Variants in CZIB observed in about 807,000 individuals in gnomAD.
CZIB encodes CXXC motif containing zinc binding protein.
In CZIB, 26 loss-of-function variants were observed where a neutral mutation model predicts 28.3. The observed-to-expected ratio is 0.92, with a 90% CI of 0.67 to 1.27. The LOEUF is 1.27. Among genes scored for constraint, CZIB ranks in the 50% most tolerant of loss-of-function variants. CZIB has a pLI of 0.00. For synonymous variants in CZIB, 78 were observed against 71.1 expected (o/e 1.10, Z -0.49); for missense variants, 179 against 197.3 (o/e 0.91, Z 0.56).
chr1:53,220,240 C>T lies in CZIB; in HGVS notation c.90+21G>A, dbSNP rs763150428. 3.1e-6 allele frequency: 5 copies of T among 1,608,596 alleles called. No individual in the cohort carries two copies. The African/African-American group carries it at 6.7e-5, about 21-fold the overall frequency. ...GAGATCAGGACGGGCCTCCTCTCCCCGGGCCCCGCCCCGGCCGCACCTTCA... is the reference window on the plus strand; with the variant it reads ...GAGATCAGGACGGGCCTCCTCTCCCTGGGCCCCGCCCCGGCCGCACCTTCA... On this transcript the variant is annotated intron_variant, in intron 2 of 7. Transcript: ENST00000294360.
Position 53,219,171 on chromosome 1 carries a change from A to C in CZIB, c.91-248T>G, listed in dbSNP as rs1417493308. Reference sequence around the variant, plus strand: ...AGTGCTCAGTGTGGCCGGGGATTCAAGGCACCTGTGGTGCAGAAATGGTTT... The same window carrying C: ...AGTGCTCAGTGTGGCCGGGGATTCACGGCACCTGTGGTGCAGAAATGGTTT... On this transcript the variant is annotated intron_variant, in intron 2 of 7. Transcript: ENST00000294360. The C allele has an allele frequency of 6.0e-6, 3 of 497,910 alleles. No individual in the cohort carries two copies. The Admixed American group carries it at 1.1e-4, about 18-fold the overall frequency. 30.8% of individuals were successfully genotyped at this position (497,910 alleles called of 1,614,324 possible).
Position 53,220,282 on chromosome 1 carries a change from C to T in CZIB, c.69G>A (p.Glu23=), listed in dbSNP as rs139557507. The change falls in exon 2 of 8, where the codon GAG becomes GAA. Residue 23 remains glutamate (E), a synonymous_variant. Coordinates refer to ENST00000294360, the MANE Select transcript of CZIB (RefSeq NM_017887.3). ...GCACCTTCAGGTACCACCGGAAGTC[C>T]TCGCCCACGGGCCGGAGGTTGGTGA... ...ENITNLRPVG[E]DFRWYLKMKC... The T allele has an allele frequency of 3.1e-5, 50 of 1,613,600 alleles. 2 individuals carry two copies. The African/African-American group carries it at 3.3e-4, about 11-fold the overall frequency.
intron 7 of CZIB, among the ~76,000 whole-genome samples, chr1:53,215,020 A>C (rs1645461223): frequency 6.6e-6 from 1 of 152,246 alleles, no homozygotes; most frequent in African/African-American, 2.4e-5. Context: ...TGAATGTTGA[A>C]AGAATCAAAT....
At position 53,220,296 on chromosome 1, in the gene CZIB, G is replaced by A. The variant is rs201207175; in HGVS notation, c.55C>T (p.Arg19Trp). The A allele has an allele frequency of 4.9e-5, 79 of 1,613,614 alleles. No homozygotes were observed. The East Asian group carries it at 1.7e-3, about 34-fold the overall frequency. The change falls in exon 2 of 8, where the codon CGG (arginine) becomes TGG (tryptophan). Residue 19 changes from arginine (R) to tryptophan (W), a missense_variant. Physicochemically the swap from Arg to Trp is moderately radical, Grantham distance 101 (BLOSUM62 -3). Transcript: ENST00000294360. ...KATLENITNL[R>W]PVGEDFRWYL... ...CACCGGAAGTCCTCGCCCACGGGCCGGAGGTTGGTGATGTTCTCCAGCGTG... is the reference window on the plus strand; with the variant it reads ...CACCGGAAGTCCTCGCCCACGGGCCAGAGGTTGGTGATGTTCTCCAGCGTG...
chr1:53,220,323 C>G lies in CZIB; in HGVS notation c.28G>C (p.Ala10Pro). 3.7e-6 allele frequency: 6 copies of G among 1,613,438 alleles called. No individual in the cohort carries two copies. Among genetic ancestry groups the G allele is most frequent in the Non-Finnish European group, 5.1e-6 (6 of 1,179,942 alleles). Reference sequence around the variant, plus strand: ...AGGTTGGTGATGTTCTCCAGCGTGGCTTTGAGTTGCAGCGCGATTTTCTGA... The same window carrying G: ...AGGTTGGTGATGTTCTCCAGCGTGGGTTTGAGTTGCAGCGCGATTTTCTGA... MGKIALQLK[A>P]TLENITNLRP... is the part of the protein sequence containing the mutation. The change falls in exon 2 of 8, where the codon GCC becomes CCC. Residue 10 changes from alanine to proline, a missense_variant. Coordinates refer to ENST00000294360, the MANE Select transcript of CZIB (RefSeq NM_017887.3).
intron 1 of CZIB, 27 bp from the exon 2 acceptor site, chr1:53,220,371 G>C: frequency 6.2e-7 from 1 of 1,607,358 alleles, no homozygotes; most frequent in Non-Finnish European, 8.5e-7. Context: ...GAGCGACTGC[G>C]TCAGCCGTGC....
intron 7 of CZIB, 45 bp downstream of exon 7, chr1:53,215,946 C>T (rs763225804): frequency 1.3e-6 from 2 of 1,580,956 alleles, no homozygotes; most frequent in Non-Finnish European, 1.7e-6. Context: ...AAATAATTCC[C>T]ACCAGGTGCC....
intron 3 of CZIB, 85 bp downstream of exon 3, chr1:53,218,782 G>C: frequency 7.3e-7 from 1 of 1,361,206 alleles, no homozygotes; most frequent in South Asian, 1.2e-5. Context: ...CTGGAGAGAT[G>C]AAGGCCAGTT....
intron 3 of CZIB, 139 bp downstream of exon 3, chr1:53,218,728 C>T (rs1014231359): frequency 2.2e-6 from 2 of 914,802 alleles, no homozygotes; most frequent in Non-Finnish European, 3.5e-6. Context: ...GCTGATCACA[C>T]TGACACCTAC....
intron 3 of CZIB, 68 bp downstream of exon 3, chr1:53,218,799 A>T: frequency 6.7e-7 from 1 of 1,494,854 alleles, no homozygotes; most frequent in African/African-American, 1.4e-5. Flanking sequence ...AGTTTCCCCA[A>T]ATCCCTGCCC....
intron 3 of CZIB, 78 bp downstream of exon 3, chr1:53,218,789 A>G: frequency 4.2e-6 from 6 of 1,418,020 alleles, no homozygotes; most frequent in Non-Finnish European, 6.0e-6. Flanking sequence ...GATGAAGGCC[A>G]GTTTCCCCAA....
At chr1:53,220,214 T>C in intron 2 of CZIB, 47 bp downstream of exon 2, 3 of 1,528,336 alleles carry the variant, frequency 2.0e-6, no homozygotes, top group Non-Finnish European at 1.8e-6. Context: ...GGTTCAGCAC[T>C]GAGATCAGGA....
At chr1:53,220,521 C>T in intron 1 of CZIB, 49 bp downstream of exon 1, 1 of 1,600,470 alleles carries the variant, frequency 6.2e-7, no homozygotes. Context: ...GCCTCCCAGA[C>T]CCTCGCCACC....
At chr1:53,217,797 A>T (rs1206107078) in intron 5 of CZIB, 3 of 217,186 alleles carry the variant, frequency 1.4e-5, no homozygotes, top group Admixed American at 5.1e-5. Context: ...CCTTTGGGCT[A>T]ACTTGTTAAC....
intron 3 of CZIB, 95 bp from the exon 4 acceptor site, chr1:53,218,590 C>A: frequency 7.8e-7 from 1 of 1,274,634 alleles, no homozygotes; most frequent in Non-Finnish European, 1.1e-6. Flanking sequence ...CTTAAAGAGA[C>A]CAAGACCCAG....
intron 2 of CZIB, 37 bp from the exon 3 acceptor site, chr1:53,218,960 C>G: frequency 6.4e-7 from 1 of 1,574,522 alleles, no homozygotes; most frequent in Non-Finnish European, 8.7e-7. Flanking sequence ...GCAGCTGGCT[C>G]TGCTGCACAG....
At chr1:53,218,742 C>G (rs1364996165) in intron 3 of CZIB, 125 bp downstream of exon 3, 1 of 1,045,460 alleles carries the variant, frequency 9.6e-7, no homozygotes, top group Non-Finnish European at 1.5e-6. Flanking sequence ...CACCTACCCT[C>G]CCAAACCACA....
Position 53,218,844 on chromosome 1 carries a change from G to A in CZIB, c.147+23C>T, listed in dbSNP as rs912110843. On this transcript the variant is annotated intron_variant, in intron 3 of 7. Transcript: ENST00000294360. ...TGTGTGTTTGTGAGTGTTTATGTTGGGGGTTGGGCGGGGAACAGTTACCAT... is the reference window on the plus strand; with the variant it reads ...TGTGTGTTTGTGAGTGTTTATGTTGAGGGTTGGGCGGGGAACAGTTACCAT... 3.1e-6 allele frequency: 5 copies of A among 1,602,476 alleles called. No homozygotes were observed. The Admixed American group carries it at 5.0e-5, about 16-fold the overall frequency.
intron 5 of CZIB, 197 bp from the exon 6 acceptor site, chr1:53,217,056 T>A (rs560327712): frequency 1.8e-6 from 1 of 547,772 alleles, no homozygotes; most frequent in East Asian, 3.1e-5. Context: ...ACAGCAGACA[T>A]GGAGGCTGCA....
Sources: allele counts gnomAD v4.1 joint callset (sites outside exome capture counted in the v4.1 genomes callset), GRCh38; gene constraint gnomAD v4.1.1; transcripts MANE v1.5; gene names NCBI Gene and HGNC (gene_info 2026-07-23, HGNC 2026-07-21).